Variants in FBXL17 observed in about 807,000 individuals in gnomAD.
The protein encoded by FBXL17 is F-box and leucine rich repeat protein 17, also known as F-box/LRR-repeat protein 17.
In FBXL17, 22 loss-of-function variants were observed where a neutral mutation model predicts 66.2. The ratio of observed to expected loss-of-function variants is 0.33; its 90% CI spans 0.24 to 0.47. The LOEUF is 0.47. Among genes scored for constraint, FBXL17 ranks in the 20% least tolerant of loss-of-function variants. The probability of loss-of-function intolerance (pLI) is 1.00; values close to 1 mark genes in which losing one functional copy is unlikely to be tolerated. For missense variants in FBXL17, 878 were observed against 948.2 expected, an observed-to-expected ratio of 0.93 and a Z score of 0.97; for synonymous variants, 474 against 400.5, an observed-to-expected ratio of 1.18 and a Z score of -2.19.
intron 4 of FBXL17, among the ~76,000 whole-genome samples, chr5:108,338,356 A>G (rs986646777): frequency 3.3e-5 from 5 of 152,104 alleles, no homozygotes; most frequent in Non-Finnish European, 7.4e-5. Context: ...AGTAAGAAGG[A>G]CTCGGATTTA....
At chr5:108,090,919 T>TACAAAAC (rs145577722) in intron 6 of FBXL17, among the ~76,000 whole-genome samples, 25,699 of 152,026 alleles carry the variant, frequency 0.17, 2,350 homozygotes, top group African/African-American at 0.24. Flanking sequence ...TAAACATGAA[T>TACAAAAC]ACATAGTCAC....
At chr5:108,365,093 T>C in intron 2 of FBXL17, 98 bp from the exon 3 acceptor site, 1 of 796,092 alleles carries the variant, frequency 1.3e-6, no homozygotes, top group South Asian at 1.9e-5. Flanking sequence ...ATATACTAAT[T>C]AGATTATAGC....
chr5:108,152,489 C>T (rs1421259198), intron 6 of FBXL17, among the ~76,000 whole-genome samples: 4 of 152,282 alleles, frequency 2.6e-5, no homozygotes, highest in South Asian at 2.1e-4. Context: ...TACAGGCATA[C>T]TTTCTTCTAT....
chr5:108,209,965 A>G (rs1754295634), intron 5 of FBXL17, among the ~76,000 whole-genome samples: 1 of 152,134 alleles, frequency 6.6e-6, no homozygotes, highest in Admixed American at 6.5e-5. Flanking sequence ...TTGGCAGACT[A>G]TTAATTACTG....
chr5:108,326,528 G>A (rs1299191203), intron 4 of FBXL17, among the ~76,000 whole-genome samples: 2 of 152,004 alleles, frequency 1.3e-5, no homozygotes, highest in East Asian at 1.9e-4. Context: ...GCTTAAACTC[G>A]GGAGGTGGAG....
At chr5:107,940,022 C>T (rs1020406594) in intron 7 of FBXL17, among the ~76,000 whole-genome samples, 1 of 152,114 alleles carries the variant, frequency 6.6e-6, no homozygotes, top group African/African-American at 2.4e-5. Flanking sequence ...AAACAGTATA[C>T]TAGCCACTCT....
intron 4 of FBXL17, among the ~76,000 whole-genome samples, chr5:108,311,026 T>A (rs1372561436): frequency 2.0e-5 from 3 of 152,054 alleles, no homozygotes; most frequent in Admixed American, 6.6e-5. Flanking sequence ...CATGACCAAT[T>A]CAACACAAAT....
intron 6 of FBXL17, among the ~76,000 whole-genome samples, chr5:108,033,686 C>T (rs78016629): frequency 0.013 from 1,928 of 152,258 alleles, 43 homozygotes; most frequent in African/African-American, 0.045. Flanking sequence ...ACTGCCAAAT[C>T]TTCTTCCAAA....
chr5:107,934,804 G>T (rs1750845827), intron 7 of FBXL17, among the ~76,000 whole-genome samples: 1 of 152,122 alleles, frequency 6.6e-6, no homozygotes, highest in South Asian at 2.1e-4. Context: ...GTAAAGTATG[G>T]TAATGCATTT....
At chr5:107,901,503 G>A (rs1468231063) in intron 7 of FBXL17, among the ~76,000 whole-genome samples, 2 of 152,122 alleles carry the variant, frequency 1.3e-5, no homozygotes, top group Admixed American at 6.6e-5. Flanking sequence ...TGAAGAGATC[G>A]TTACTAAACC....
At chr5:108,005,036 C>G (rs932289828) in intron 7 of FBXL17, among the ~76,000 whole-genome samples, 1 of 151,738 alleles carries the variant, frequency 6.6e-6, no homozygotes, top group South Asian at 2.1e-4. Context: ...GGGTGCCTGT[C>G]TCCCAGTGTT....
chr5:108,262,999 A>G (rs1756901274), intron 4 of FBXL17, among the ~76,000 whole-genome samples: 6 of 152,222 alleles, frequency 3.9e-5, no homozygotes, highest in Admixed American at 3.3e-4. Flanking sequence ...AGTGGAACTC[A>G]GTGACAAAAT....
intron 6 of FBXL17, among the ~76,000 whole-genome samples, chr5:108,071,455 T>A (rs955896072): frequency 6.6e-6 from 1 of 152,228 alleles, no homozygotes; most frequent in South Asian, 2.1e-4. Context: ...GTTGTGAGGA[T>A]GACTTCACTG....
chr5:108,267,750 A>G lies in FBXL17; in HGVS notation c.1507-43522T>C, dbSNP rs532671024. Among the ~76,000 whole-genome samples the G allele has an allele frequency of 4.6e-5, 7 of 152,172 alleles. 1 individual carries two copies. In the South Asian group the frequency reaches 1.5e-3, roughly 32 times the overall value. Reference sequence around the variant, plus strand: ...TGAATAAATAAAATAAGTGCTATGAAGTCAGATAAAGTCAGATACGAGGGT... The same window carrying G: ...TGAATAAATAAAATAAGTGCTATGAGGTCAGATAAAGTCAGATACGAGGGT... On this transcript the variant is annotated intron_variant, in intron 4 of 8. Transcript: ENST00000542267.
intron 6 of FBXL17, among the ~76,000 whole-genome samples, chr5:108,124,307 G>A (rs776326114): frequency 2.0e-5 from 3 of 151,948 alleles, no homozygotes; most frequent in Non-Finnish European, 2.9e-5. Flanking sequence ...AAGAACCAGA[G>A]TGATGCAGGA....
chr5:108,339,459 T>C (rs947305105), intron 4 of FBXL17, among the ~76,000 whole-genome samples: 5 of 152,110 alleles, frequency 3.3e-5, no homozygotes, highest in African/African-American at 1.2e-4. Context: ...TGCCAACACT[T>C]GAGCACAAAG....
intron 4 of FBXL17, among the ~76,000 whole-genome samples, chr5:108,325,769 G>A (rs73781324): frequency 0.048 from 7,276 of 152,074 alleles, 580 homozygotes; most frequent in African/African-American, 0.17. Flanking sequence ...ACATAAAAGC[G>A]TTAGGATTAG....
At position 108,290,227 on chromosome 5, in the gene FBXL17, T is replaced by C. The variant is rs570065379; in HGVS notation, c.1506+58172A>G. Among the ~76,000 whole-genome samples the C allele has an allele frequency of 3.3e-5, 5 of 152,274 alleles. 2 individuals are homozygous for C. Among genetic ancestry groups the C allele is most frequent in the African/African-American group, 1.2e-4 (5 of 41,556 alleles). ...TTCAGTGAAGTAGAGTCCATAGGGA[T>C]GAAGAGAATTCTGTAGAATGGCAAT... On this transcript the variant is annotated intron_variant, in intron 4 of 8. Transcript: ENST00000542267.
chr5:108,289,128 G>A (rs553759325), intron 4 of FBXL17, among the ~76,000 whole-genome samples: 7 of 152,094 alleles, frequency 4.6e-5, no homozygotes, highest in South Asian at 4.2e-4. Context: ...CAGCTTTCTC[G>A]TGCAAAATAC....
Sources: gnomAD v4.1 joint callset for allele counts (sites outside exome capture counted in the v4.1 genomes callset) on GRCh38, gnomAD v4.1.1 for gene constraint, MANE v1.5 for transcripts, NCBI Gene and HGNC (gene_info 2026-07-23, HGNC 2026-07-21) for gene names.